Variants in TMEM273 observed in about 807,000 individuals in gnomAD.
TMEM273 encodes the protein chromosome 10 open reading frame 128.
TMEM273 carries 19 observed loss-of-function variants against 17.9 expected under a neutral mutation model. That is an observed-to-expected ratio of 1.06 (90% confidence interval 0.74 to 1.55). The LOEUF (loss-of-function observed/expected upper bound fraction) is 1.55. Among genes scored for constraint, TMEM273 ranks in the 40% most tolerant of loss-of-function variants. The probability of loss-of-function intolerance (pLI) is 0.00; values close to 1 mark genes in which losing one functional copy is unlikely to be tolerated. For synonymous variants in TMEM273, 66 were observed against 62.0 expected (o/e 1.07, Z -0.31); for missense variants, 194 against 155.6 (o/e 1.25, Z -1.31).
chr10:49,175,299 G>A (rs1477327935), intron 1 of TMEM273, among the ~76,000 whole-genome samples: 1 of 152,184 alleles, frequency 6.6e-6, no homozygotes, highest in Admixed American at 6.5e-5. Context: ...CCTGCTCCCA[G>A]AGGTGGGAGT....
intron 1 of TMEM273, among the ~76,000 whole-genome samples, chr10:49,177,578 T>C (rs1847066852): frequency 6.6e-6 from 1 of 152,244 alleles, no homozygotes; most frequent in Admixed American, 6.5e-5. Context: ...TGACGTGACC[T>C]CTTCAGGCTC....
chr10:49,187,847 C>G (rs142975216), intron 1 of TMEM273, among the ~76,000 whole-genome samples: 1 of 152,276 alleles, frequency 6.6e-6, no homozygotes, highest in Non-Finnish European at 1.5e-5. Flanking sequence ...TAAATGTATA[C>G]CAGTATCTAC....
At chr10:49,166,707 G>A (rs952351074) in intron 3 of TMEM273, 162 bp downstream of exon 3, 8 of 994,134 alleles carry the variant, frequency 8.0e-6, no homozygotes, top group Non-Finnish European at 6.1e-6. Context: ...AGAGGCAAAG[G>A]GTTAGTGAGA....
intron 6 of TMEM273, among the ~76,000 whole-genome samples, chr10:49,159,786 C>T (rs1410694255): frequency 1.3e-5 from 2 of 151,998 alleles, no homozygotes; most frequent in African/African-American, 2.4e-5. Context: ...GACCCTTGTG[C>T]TACCCTTGGG....
intron 1 of TMEM273, among the ~76,000 whole-genome samples, chr10:49,185,849 G>A (rs1847632195): frequency 6.6e-6 from 1 of 151,752 alleles, no homozygotes; most frequent in African/African-American, 2.4e-5. Context: ...GCGGGGGCAT[G>A]TGCCTGTAAT....
At chr10:49,176,543 G>A (rs897869194) in intron 1 of TMEM273, among the ~76,000 whole-genome samples, 4 of 152,226 alleles carry the variant, frequency 2.6e-5, no homozygotes, top group African/African-American at 9.6e-5. Context: ...TATTGTGGAA[G>A]AGGAAAGCGT....
chr10:49,161,757 T>C, intron 5 of TMEM273, 135 bp from the exon 6 acceptor site: 1 of 1,023,770 alleles, frequency 9.8e-7, no homozygotes, highest in East Asian at 2.5e-5. Flanking sequence ...TGACTCAGCC[T>C]GACTCCATCT....
chr10:49,170,308 T>C (rs1846475028), intron 1 of TMEM273, among the ~76,000 whole-genome samples: 1 of 151,896 alleles, frequency 6.6e-6, no homozygotes, highest in African/African-American at 2.4e-5. Context: ...AGCATCACGG[T>C]CTCCATTCTC....
At chr10:49,186,829 A>G (rs1473319095) in intron 1 of TMEM273, among the ~76,000 whole-genome samples, 1 of 152,196 alleles carries the variant, frequency 6.6e-6, no homozygotes, top group Non-Finnish European at 1.5e-5. Context: ...TATCTATAAC[A>G]TGCAGGTAAT....
chr10:49,157,762 C>T (rs1414478309), intron 6 of TMEM273, among the ~76,000 whole-genome samples: 1 of 152,184 alleles, frequency 6.6e-6, no homozygotes, highest in East Asian at 1.9e-4. Flanking sequence ...GTGGATTTCC[C>T]ATCAAAGTCT....
intron 2 of TMEM273, among the ~76,000 whole-genome samples, 180 bp from the exon 3 acceptor site, chr10:49,167,189 C>A (rs954649404): frequency 6.6e-6 from 1 of 152,196 alleles, no homozygotes; most frequent in Admixed American, 6.5e-5. Context: ...TGCACCCCAT[C>A]CCCTCCTTCA....
At chr10:49,173,713 C>A (rs1846741672) in intron 1 of TMEM273, among the ~76,000 whole-genome samples, 1 of 152,212 alleles carries the variant, frequency 6.6e-6, no homozygotes, top group Non-Finnish European at 1.5e-5. Flanking sequence ...GGAAGCTGGA[C>A]TCTTCTCCTG....
At chr10:49,179,768 T>C (rs1847226955) in intron 1 of TMEM273, among the ~76,000 whole-genome samples, 1 of 152,154 alleles carries the variant, frequency 6.6e-6, no homozygotes, top group African/African-American at 2.4e-5. Context: ...AACCCTGTAA[T>C]GCCAATGGGC....
chr10:49,176,692 A>T (rs1188448472), intron 1 of TMEM273, among the ~76,000 whole-genome samples: 1 of 152,082 alleles, frequency 6.6e-6, no homozygotes, highest in Non-Finnish European at 1.5e-5. Flanking sequence ...GGGCTGTGGG[A>T]TGACAGCTGT....
intron 1 of TMEM273, chr10:49,178,290 C>G (rs186962970): frequency 2.7e-4 from 124 of 457,198 alleles, no homozygotes; most frequent in African/African-American, 2.1e-3. Flanking sequence ...GCCACCTGTC[C>G]CATTCTTGCA....
intron 1 of TMEM273, among the ~76,000 whole-genome samples, chr10:49,178,574 G>T (rs1847147423): frequency 6.6e-6 from 1 of 152,150 alleles, no homozygotes; most frequent in Non-Finnish European, 1.5e-5. Flanking sequence ...GCTCGTGACA[G>T]GTCTAGGAGG....
At chr10:49,183,727 G>A (rs1024513300) in intron 1 of TMEM273, among the ~76,000 whole-genome samples, 12 of 152,156 alleles carry the variant, frequency 7.9e-5, no homozygotes, top group African/African-American at 2.7e-4. Context: ...ACTACAATAA[G>A]AGTATCTGCC....
chr10:49,159,474 T>C (rs187885370), intron 6 of TMEM273, among the ~76,000 whole-genome samples: 3 of 152,272 alleles, frequency 2.0e-5, no homozygotes, highest in Admixed American at 2.0e-4. Context: ...AAAAATATTA[T>C]GTGGTGGAAA....
chr10:49,184,330 A>T (rs1847534722), intron 1 of TMEM273, among the ~76,000 whole-genome samples: 1 of 152,258 alleles, frequency 6.6e-6, no homozygotes, highest in African/African-American at 2.4e-5. Context: ...TCACGCTGAA[A>T]GACTTCTCAC....
Sources: gnomAD v4.1 joint callset for allele counts (sites outside exome capture counted in the v4.1 genomes callset) on GRCh38, gnomAD v4.1.1 for gene constraint, MANE v1.5 for transcripts, NCBI Gene and HGNC (gene_info 2026-07-23, HGNC 2026-07-21) for gene names.